The following MAPK8IP3 variants were observed in gnomAD, a reference collection of about 807,000 sequenced individuals.
MAPK8IP3 encodes the protein mitogen-activated protein kinase 8 interacting protein 3.
Under a neutral mutation model 157.8 loss-of-function variants are expected in MAPK8IP3, and 49 were observed. The observed-to-expected ratio is 0.31, with a 90% CI of 0.25 to 0.39. The LOEUF (loss-of-function observed/expected upper bound fraction) is 0.39, where lower values mean the gene tolerates loss of function less well. MAPK8IP3 is among the 10% of genes least tolerant of loss of function. MAPK8IP3 has a pLI of 1.00. For synonymous variants in MAPK8IP3, 897 were observed against 777.7 expected, an observed-to-expected ratio of 1.15 and a Z score of -2.55; for missense variants, 1,478 against 1,889.4, an observed-to-expected ratio of 0.78 and a Z score of 4.04.
chr16:1,767,827 C>T lies in MAPK8IP3; in HGVS notation c.3432C>T (p.Ser1144=), dbSNP rs749168039. 1 of 1,611,466 alleles carries T rather than the reference C, an allele frequency of 6.2e-7. No homozygotes were observed. The highest frequency in any genetic ancestry group is 1.1e-5 in the South Asian group (1 of 91,074). The part of the protein sequence containing the change: ...KMLGTGKLGF[S]FVRITALLVA... The stretch of plus-strand genomic sequence containing the variant: ...CAGGCACTGGCAAGCTGGGTTTCTC[C>T]TTCGTACGCATCACGGCCCTGCTTG... Residue 1144 remains serine (S), a synonymous_variant, in exon 28 of 32, where the codon TCC becomes TCT. Transcript: ENST00000610761.
chr16:1,763,960 T>G, intron 17 of MAPK8IP3, 155 bp from the exon 18 acceptor site: 1 of 1,054,842 alleles, frequency 9.5e-7, no homozygotes. Context: ...GTCTGGAGGG[T>G]CGGAGAAGGA....
rs201158190 is a variant in MAPK8IP3, at chr16:1,764,373, C to T, written c.2194C>T (p.Pro732Ser). ...GGACGACGCTGGGAATGGAGTCAAGCCAGCGCCAGGCCGCGATCCCCTGAC... is the reference window on the plus strand; with the variant it reads ...GGACGACGCTGGGAATGGAGTCAAGTCAGCGCCAGGCCGCGATCCCCTGAC... ...NEDDAGNGVK[P>S]APGRDPLTCD... is the part of the protein sequence containing the mutation. The change falls in exon 19 of 32, where the codon CCA (proline) becomes TCA (serine). Residue 732 changes from proline to serine, a missense_variant. By Grantham distance (74) the Pro-to-Ser change is moderately conservative (BLOSUM62 -1). Transcript: ENST00000610761. 3.8e-6 allele frequency: 6 copies of T among 1,589,730 alleles called. No individual in the cohort carries two copies. In the African/African-American group the frequency reaches 6.7e-5, roughly 18 times the overall value.
chr16:1,766,175 A>G (rs367764193), intron 21 of MAPK8IP3, 33 bp downstream of exon 21: 2 of 1,602,134 alleles, frequency 1.2e-6, no homozygotes, highest in Admixed American at 1.7e-5. Flanking sequence ...CCATCCCCTC[A>G]TTCCCACGTT....
chr16:1,719,680 A>C (rs1174026684), intron 1 of MAPK8IP3, among the ~76,000 whole-genome samples: 1 of 151,392 alleles, frequency 6.6e-6, no homozygotes, highest in Non-Finnish European at 1.5e-5. Context: ...AAAAAAAAAA[A>C]AAAAAAACCA....
At chr16:1,722,938 T>C (rs920440144) in intron 1 of MAPK8IP3, among the ~76,000 whole-genome samples, 7 of 151,978 alleles carry the variant, frequency 4.6e-5, no homozygotes, top group Non-Finnish European at 8.8e-5. Flanking sequence ...CCTGACCTCG[T>C]GATCCGCCTG....
intron 17 of MAPK8IP3, 141 bp from the exon 18 acceptor site, chr16:1,763,974 C>T (rs906268855): frequency 2.8e-5 from 30 of 1,057,474 alleles, no homozygotes; most frequent in Non-Finnish European, 3.7e-5. Flanking sequence ...AGAAGGAGCC[C>T]CGCGGCTCCC....
intron 2 of MAPK8IP3, among the ~76,000 whole-genome samples, chr16:1,728,809 C>T (rs2039086808): frequency 6.9e-6 from 1 of 145,414 alleles, no homozygotes. Flanking sequence ...ACAGCAGCCC[C>T]CCAGACGGCT....
rs769957976 is a variant in MAPK8IP3, at chr16:1,763,668, C to T, written c.1910C>T (p.Ser637Phe). The change falls in exon 17 of 32, where the codon TCC becomes TTC. Residue 637 changes from serine (S) to phenylalanine (F), a missense_variant. Around this residue, in one of 11 missense-constraint regions of MAPK8IP3, gnomAD observed 669 missense variants for 759.8 expected, o/e 0.88. Coordinates refer to ENST00000610761, the MANE Select transcript of MAPK8IP3 (RefSeq NM_001318852.2). ...LEFFPDDDCT[S>F]SARREQKREQ... ...ATTCTTCCACTCAGCGACTGCACGT[C>T]CTCCGCCCGTCGAGAGCAGAAGCGC... The T allele has an allele frequency of 5.1e-6, 8 of 1,577,000 alleles. No homozygotes were observed. Among genetic ancestry groups the T allele is most frequent in the African/African-American group, 4.1e-5 (3 of 73,874 alleles).
At chr16:1,760,582 G>T in intron 12 of MAPK8IP3, 50 bp downstream of exon 12, 1 of 1,570,314 alleles carries the variant, frequency 6.4e-7, no homozygotes. Context: ...CGGCCTCAGG[G>T]CTCTGGAGTG....
rs780479851 is a variant in MAPK8IP3 at position 1,766,542 on chromosome 16, G to C, written c.2833G>C (p.Glu945Gln). 1 of 1,611,930 alleles carries C rather than the reference G, an allele frequency of 6.2e-7. No individual in the cohort carries two copies. The highest frequency in any genetic ancestry group is 8.5e-7 in the Non-Finnish European group (1 of 1,179,856). Residue 945 changes from glutamate (E) to glutamine (Q), a missense_variant, in exon 23 of 32, where the codon GAG (glutamate) becomes CAG (glutamine). Transcript: ENST00000610761. ...TTCTTCCTGCAGCGAGAACGGGCCAGAGCCTGACAGCAGCAGCACACGGCC... is the reference window on the plus strand; with the variant it reads ...TTCTTCCTGCAGCGAGAACGGGCCACAGCCTGACAGCAGCAGCACACGGCC... ...GPQPGSENGP[E>Q]PDSSSTRPEP... is the part of the protein sequence containing the mutation.
At position 1,765,942 on chromosome 16, in the gene MAPK8IP3, G is replaced by C; in HGVS notation, c.2447-18G>C. The C allele has an allele frequency of 6.2e-7, 1 of 1,600,310 alleles. No individual in the cohort carries two copies. Among genetic ancestry groups the C allele is most frequent in the Non-Finnish European group, 8.5e-7 (1 of 1,172,350 alleles). Reference sequence around the variant, plus strand: ...GTGGGTTCCCCCGCACAGGCTGACGGGCCGTCCCTCTCCCCAGCGGCCAGC... The same window carrying C: ...GTGGGTTCCCCCGCACAGGCTGACGCGCCGTCCCTCTCCCCAGCGGCCAGC... On this transcript the variant is annotated intron_variant, in intron 20 of 31. Coordinates refer to ENST00000610761, the MANE Select transcript of MAPK8IP3 (RefSeq NM_001318852.2).
In MAPK8IP3 at chr16:1,758,978, T is replaced by C. The variant is rs1490670634; in HGVS notation, c.1229T>C (p.Val410Ala). ...EGADLLGEFSVRDDFFGMGKE... is the reference protein window; with the variant it reads ...EGADLLGEFSARDDFFGMGKE... ...CTGTGGGACGGGGACGGCTCCCTAGTGCGCGATGATTTCTTTGGTAAGGCT... is the reference window on the plus strand; with the variant it reads ...CTGTGGGACGGGGACGGCTCCCTAGCGCGCGATGATTTCTTTGGTAAGGCT... Residue 410 changes from valine (V) to alanine (A), a missense_variant and splice_region_variant, in exon 10 of 32, where the codon GTG becomes GCG. By Grantham distance (64) the Val-to-Ala change is moderately conservative. Transcript: ENST00000610761. 1.2e-6 allele frequency: 2 copies of C among 1,614,134 alleles called. No homozygotes were observed. Among genetic ancestry groups the C allele is most frequent in the Admixed American group, 1.7e-5 (1 of 60,016 alleles).
In MAPK8IP3 at chr16:1,743,435, C is replaced by T; in HGVS notation, c.706C>T (p.Leu236=). ...KLVPAGDHWH[L]SDLGQLQSSS... is the part of the protein sequence containing the mutation. ...CGTGCCTGCGGGGGACCACTGGCAC[C>T]TGAGTGACCTCGGCCAGCTGCAGTC... is the stretch of plus-strand genomic sequence containing the variant. The change falls in exon 5 of 32, where the codon CTG becomes TTG. Residue 236 remains leucine (L), a synonymous_variant. Coordinates refer to ENST00000610761, the MANE Select transcript of MAPK8IP3 (RefSeq NM_001318852.2). The surrounding 1 kb of genome is among the most constrained non-coding windows in gnomAD (Gnocchi z 5.6). 2 of 1,609,978 alleles carry T rather than the reference C, an allele frequency of 1.2e-6. No homozygotes were observed. The highest frequency in any genetic ancestry group is 2.2e-5 in the South Asian group (2 of 90,612).
chr16:1,736,439 A>T (rs1596633062), intron 4 of MAPK8IP3, among the ~76,000 whole-genome samples: 1 of 49,818 alleles, frequency 2.0e-5, no homozygotes, highest in South Asian at 1.1e-3. Context: ...TGAGCGTGTG[A>T]CTGTCCGTGT....
intron 4 of MAPK8IP3, among the ~76,000 whole-genome samples, chr16:1,731,514 C>T (rs111398377): frequency 2.0e-5 from 3 of 152,208 alleles, no homozygotes; most frequent in Non-Finnish European, 2.9e-5. Context: ...GGCAGTGTCA[C>T]GTGTCACGCA....
intron 6 of MAPK8IP3, among the ~76,000 whole-genome samples, chr16:1,747,769 T>A (rs1234062593): frequency 6.6e-6 from 1 of 151,312 alleles, no homozygotes; most frequent in Non-Finnish European, 1.5e-5. Flanking sequence ...GTAACCTGCA[T>A]CGCCCCACGG....
intron 4 of MAPK8IP3, among the ~76,000 whole-genome samples, chr16:1,736,258 GTGTGAGCGTGTGACCATCCA>G (rs1161833769): frequency 1.1e-5 from 1 of 92,712 alleles, no homozygotes; most frequent in Admixed American, 1.4e-4. Flanking sequence ...GTGACTGTCC[GTGTGAGCGTGTGACCATCCA>G]TGTGAGCATC....
chr16:1,735,187 C>A (rs1156892557), intron 4 of MAPK8IP3: 1 of 152,316 alleles, frequency 6.6e-6, no homozygotes, highest in East Asian at 1.9e-4. Context: ...GTACGGCCGC[C>A]CTGCGTGTCT....
At chr16:1,720,965 C>T (rs2038476653) in intron 1 of MAPK8IP3, among the ~76,000 whole-genome samples, 2 of 150,612 alleles carry the variant, frequency 1.3e-5, no homozygotes, top group African/African-American at 2.4e-5. Flanking sequence ...ACCCAGGGGG[C>T]GGAGGTTGCA....
Sources: gnomAD v4.1 joint callset for allele counts (sites outside exome capture counted in the v4.1 genomes callset) on GRCh38, gnomAD v4.1.1 for gene constraint, gnomAD v4.1.1 regional missense constraint, Gnocchi (gnomAD v3.1) non-coding constraint, MANE v1.5 for transcripts, NCBI Gene and HGNC (gene_info 2026-07-23, HGNC 2026-07-21) for gene names.